Variants in SDK1 observed in about 807,000 individuals in gnomAD.
SDK1 encodes the protein protein sidekick-1.
In SDK1, 157 loss-of-function variants were observed where a neutral mutation model predicts 245.5. The observed-to-expected ratio is 0.64, with a 90% CI of 0.56 to 0.73. The LOEUF (loss-of-function observed/expected upper bound fraction) is 0.73. Ranked by LOEUF, SDK1 falls within the 30% of genes least tolerant of loss-of-function variation. The pLI, the probability that SDK1 is intolerant of heterozygous loss-of-function variation, is 0.00. For synonymous variants in SDK1, 1,647 were observed against 1,278.5 expected (o/e 1.29, Z -6.15); for missense variants, 3,583 against 3,002.3 (o/e 1.19, Z -4.52).
intron 40 of SDK1, among the ~76,000 whole-genome samples, chr7:4,229,177 G>T (rs1207427965): frequency 6.6e-6 from 1 of 152,130 alleles, no homozygotes; most frequent in East Asian, 1.9e-4. Flanking sequence ...ATACAAATGA[G>T]AAAAACAATC....
intron 5 of SDK1, among the ~76,000 whole-genome samples, chr7:3,910,502 C>G (rs567625448): frequency 6.6e-6 from 1 of 152,206 alleles, no homozygotes; most frequent in East Asian, 1.9e-4. Context: ...CCTGAGCTTT[C>G]GGAGGTCACC....
At chr7:3,322,638 T>A (rs534424755) in intron 1 of SDK1, among the ~76,000 whole-genome samples, 5 of 152,326 alleles carry the variant, frequency 3.3e-5, no homozygotes, top group African/African-American at 1.2e-4. Flanking sequence ...ACACTTACTT[T>A]CCTTTTTTAA....
intron 2 of SDK1, among the ~76,000 whole-genome samples, chr7:3,630,340 C>A (rs564656402): frequency 6.6e-6 from 1 of 152,282 alleles, no homozygotes; most frequent in Admixed American, 6.5e-5. Flanking sequence ...GTTACATGAT[C>A]ATTTATGTAG....
At chr7:4,131,619 A>AT (rs1227107914) in intron 27 of SDK1, among the ~76,000 whole-genome samples, 1 of 152,200 alleles carries the variant, frequency 6.6e-6, no homozygotes, top group Non-Finnish European at 1.5e-5. Context: ...AGAAGCTCTC[A>AT]TACTGGCCAC....
intron 35 of SDK1, chr7:4,179,216 A>C (rs11766044): frequency 0.23 from 35,512 of 152,090 alleles, 4,726 homozygotes; most frequent in Middle Eastern, 0.45. Flanking sequence ...ACAGAACCTC[A>C]CCCTCCTCGC....
chr7:3,325,798 A>G (rs1313524124), intron 1 of SDK1, among the ~76,000 whole-genome samples: 1 of 152,136 alleles, frequency 6.6e-6, no homozygotes, highest in African/African-American at 2.4e-5. Flanking sequence ...TTTCTCTGAC[A>G]TTCTGCTCAA....
At chr7:3,672,309 C>A (rs1054181082) in intron 4 of SDK1, among the ~76,000 whole-genome samples, 21 of 151,976 alleles carry the variant, frequency 1.4e-4, no homozygotes, top group Admixed American at 1.3e-3. Flanking sequence ...TATTCTATCA[C>A]AGCAAGCAGC....
At chr7:3,880,865 T>C (rs1055700054) in intron 5 of SDK1, among the ~76,000 whole-genome samples, 1 of 152,094 alleles carries the variant, frequency 6.6e-6, no homozygotes, top group East Asian at 1.9e-4. Flanking sequence ...AGGAAATCTT[T>C]ATGTAGCATG....
chr7:3,606,477 G>T (rs1028034151), intron 1 of SDK1, among the ~76,000 whole-genome samples: 3 of 152,032 alleles, frequency 2.0e-5, no homozygotes, highest in Admixed American at 6.6e-5. Flanking sequence ...ATAAGTCCAG[G>T]GTCCCATAAG....
intron 3 of SDK1, 26 bp from the exon 4 acceptor site, chr7:3,641,932 T>C: frequency 6.2e-7 from 1 of 1,601,472 alleles, no homozygotes. Context: ...TTTCTAGAAC[T>C]TGAAAGCACT....
At chr7:3,805,594 T>C (rs1583432227) in intron 4 of SDK1, among the ~76,000 whole-genome samples, 1 of 152,326 alleles carries the variant, frequency 6.6e-6, no homozygotes. Context: ...GTTCCCCCAG[T>C]GGAGACTGTA....
chr7:3,620,523 A>C (rs1245918485), intron 2 of SDK1, among the ~76,000 whole-genome samples: 1 of 152,084 alleles, frequency 6.6e-6, no homozygotes, highest in Non-Finnish European at 1.5e-5. Flanking sequence ...GGCTTGTCTC[A>C]AACTCCTGAC....
At chr7:3,596,514 G>A (rs999207677) in intron 1 of SDK1, among the ~76,000 whole-genome samples, 2 of 152,112 alleles carry the variant, frequency 1.3e-5, no homozygotes, top group Non-Finnish European at 2.9e-5. Context: ...TGCATAAGCC[G>A]GTAAGTTTTG....
intron 1 of SDK1, among the ~76,000 whole-genome samples, chr7:3,448,320 G>A (rs1562492210): frequency 6.6e-6 from 1 of 151,884 alleles, no homozygotes; most frequent in African/African-American, 2.4e-5. Context: ...GTGAATTTCT[G>A]CTCATATTAT....
intron 5 of SDK1, among the ~76,000 whole-genome samples, chr7:3,902,976 A>G (rs940856934): frequency 1.3e-5 from 2 of 152,214 alleles, no homozygotes; most frequent in African/African-American, 4.8e-5. Flanking sequence ...AAGGATTTTA[A>G]TAGGCATTTT....
chr7:3,841,462 C>A (rs1248048182), intron 5 of SDK1, among the ~76,000 whole-genome samples: 1 of 152,224 alleles, frequency 6.6e-6, no homozygotes, highest in East Asian at 1.9e-4. Context: ...GAAGGACTAA[C>A]ATCTTGCGCT....
At chr7:3,926,327 C>T (rs1779765951) in intron 5 of SDK1, among the ~76,000 whole-genome samples, 1 of 152,188 alleles carries the variant, frequency 6.6e-6, no homozygotes, top group Non-Finnish European at 1.5e-5. Context: ...AGACACTTAG[C>T]ATAGTGTCTG....
chr7:3,519,272 A>G (rs749964699), intron 1 of SDK1, among the ~76,000 whole-genome samples: 7 of 152,116 alleles, frequency 4.6e-5, no homozygotes, highest in Non-Finnish European at 7.4e-5. Context: ...TTAAATATGT[A>G]GGAGGGTATT....
intron 32 of SDK1, among the ~76,000 whole-genome samples, chr7:4,163,481 G>A (rs757950107): frequency 9.9e-5 from 15 of 152,168 alleles, no homozygotes; most frequent in East Asian, 9.6e-4. Flanking sequence ...TGGGGGCTGC[G>A]GGAAATGGAA....
Sources: gnomAD v4.1 joint callset for allele counts (sites outside exome capture counted in the v4.1 genomes callset) on GRCh38, gnomAD v4.1.1 for gene constraint, MANE v1.5 for transcripts, NCBI Gene and HGNC (gene_info 2026-07-23, HGNC 2026-07-21) for gene names.